The following COL4A5 variants were observed in gnomAD, a reference collection of about 807,000 sequenced individuals.
COL4A5 encodes collagen type IV alpha 5 chain.
In COL4A5, 26 loss-of-function variants were observed where a neutral mutation model predicts 130.2. The observed-to-expected ratio is 0.20, with a 90% CI of 0.15 to 0.28. COL4A5 has a LOEUF of 0.28. Among genes scored for constraint, COL4A5 ranks in the 10% least tolerant of loss-of-function variants. The pLI is 1.00. For missense variants in COL4A5, 1,131 were observed against 1,344.3 expected, an observed-to-expected ratio of 0.84 and a Z score of 2.48; for synonymous variants, 496 against 439.6, an observed-to-expected ratio of 1.13 and a Z score of -1.60.
chrX:108,621,998 T>TA, intron 32 of COL4A5, 106 bp downstream of exon 32: 3 of 588,422 alleles, frequency 5.1e-6, no homozygotes, highest in Non-Finnish European at 8.6e-6. Context: ...GAGCAATGGT[T>TA]ACTTGTGTTT....
chrX:108,674,767 C>T lies in COL4A5; in HGVS notation c.3808+14C>T. ...CAGGTTTTCAAGGTTAGACTCTTCACTGGTCAATTCTTTTTTTTTTTTTTT... is the reference window on the plus strand; with the variant it reads ...CAGGTTTTCAAGGTTAGACTCTTCATTGGTCAATTCTTTTTTTTTTTTTTT... On this transcript the variant is annotated intron_variant, in intron 43 of 52. Coordinates refer to ENST00000328300, the MANE Select transcript of COL4A5 (RefSeq NM_033380.3). The T allele has an allele frequency of 8.6e-7, 1 of 1,158,060 alleles. No individual in the cohort carries two copies. Among genetic ancestry groups the T allele is most frequent in the Non-Finnish European group, 1.2e-6 (1 of 866,296 alleles).
At chrX:108,615,294 A>T (rs951253607) in intron 30 of COL4A5, among the ~76,000 whole-genome samples, 1 of 111,621 alleles carries the variant, frequency 9.0e-6, no homozygotes, top group Non-Finnish European at 1.9e-5. Flanking sequence ...GTTGAGTTAG[A>T]CATGGTTTTG....
chrX:108,614,815 C>G (rs1690491484), intron 29 of COL4A5, 96 bp from the exon 30 acceptor site: 3 of 593,877 alleles, frequency 5.1e-6, no homozygotes, highest in Non-Finnish European at 8.7e-6. Flanking sequence ...AATGAATGCC[C>G]AGTTTTTCAA....
At chrX:108,608,066 T>A (rs905700599) in intron 29 of COL4A5, among the ~76,000 whole-genome samples, 2 of 111,420 alleles carry the variant, frequency 1.8e-5, no homozygotes, top group Admixed American at 1.9e-4. Context: ...TGTGTTCAGG[T>A]ATAATAGTAA....
At position 108,695,455 on chromosome X, in the gene COL4A5, C is replaced by T. The variant is rs2068718933; in HGVS notation, c.4994+16C>T. 3.3e-6 allele frequency: 4 copies of T among 1,204,402 alleles called. No individual in the cohort carries two copies. Among genetic ancestry groups the T allele is most frequent in the Non-Finnish European group, 4.5e-6 (4 of 890,378 alleles). On this transcript the variant is annotated intron_variant, in intron 52 of 52. Coordinates refer to ENST00000328300, the MANE Select transcript of COL4A5 (RefSeq NM_033380.3). ...ACATGTTCAGGTAAAGTGCTTATAG[C>T]TTTAATTCAGGTCCAAAGCTTCCTT...
intron 1 of COL4A5, among the ~76,000 whole-genome samples, chrX:108,494,623 A>G (rs1415878748): frequency 2.6e-4 from 29 of 110,102 alleles, no homozygotes. Context: ...TCTAAGTTAG[A>G]TAACGCAGAG....
At chrX:108,595,697 T>A in intron 22 of COL4A5, 96 bp downstream of exon 22, 2 of 637,564 alleles carry the variant, frequency 3.1e-6, no homozygotes, top group African/African-American at 2.2e-5. Context: ...ATTTTATAAC[T>A]AGTCACTCAT....
intron 2 of COL4A5, among the ~76,000 whole-genome samples, chrX:108,554,005 A>C (rs997733151): frequency 1.8e-5 from 2 of 111,947 alleles, no homozygotes; most frequent in Non-Finnish European, 3.8e-5. Context: ...ATTTATATAA[A>C]ATTCTAGAAA....
intron 48 of COL4A5, among the ~76,000 whole-genome samples, chrX:108,686,876 C>T (rs1003236696): frequency 7.1e-5 from 8 of 112,060 alleles, no homozygotes; most frequent in Non-Finnish European, 1.3e-4. Context: ...AATGCCCTGA[C>T]ATTTCATTAA....
chrX:108,638,645 G>A (rs898503862), intron 36 of COL4A5, among the ~76,000 whole-genome samples: 5 of 111,868 alleles, frequency 4.5e-5, no homozygotes, highest in Non-Finnish European at 7.5e-5. Context: ...GTTCAGAGAT[G>A]ATATAATGCT....
chrX:108,691,511 A>G (rs1475816664), intron 49 of COL4A5, among the ~76,000 whole-genome samples: 1 of 111,111 alleles, frequency 9.0e-6, no homozygotes, highest in Non-Finnish European at 1.9e-5. Context: ...TTTATAATAC[A>G]TATATTTTTA....
chrX:108,541,225 CATT>C (rs2065534924), intron 2 of COL4A5, among the ~76,000 whole-genome samples: 1 of 111,826 alleles, frequency 8.9e-6, no homozygotes, highest in South Asian at 3.7e-4. Flanking sequence ...ATTTGAGTAA[CATT>C]AGTTTGATGG....
At chrX:108,600,944 C>CT (rs1420156127) in intron 25 of COL4A5, among the ~76,000 whole-genome samples, 1 of 111,293 alleles carries the variant, frequency 9.0e-6, no homozygotes, top group African/African-American at 3.3e-5. Context: ...GAGAATTCAC[C>CT]TTTTTTTCTG....
At chrX:108,486,579 T>A (rs779119814) in intron 1 of COL4A5, among the ~76,000 whole-genome samples, 9 of 111,364 alleles carry the variant, frequency 8.1e-5, no homozygotes, top group Non-Finnish European at 1.1e-4. Flanking sequence ...CTCCCACCCT[T>A]TCCCATGAGT....
rs776157481 is a variant in COL4A5 at position 108,565,387 on chromosome X, A to C, written c.276+1461A>C. Reference sequence around the variant, plus strand: ...GAACAACATTTTGATAGTTTTGTTTAACATATACCTTACCACTTTATTTTT... The same window carrying C: ...GAACAACATTTTGATAGTTTTGTTTCACATATACCTTACCACTTTATTTTT... On this transcript the variant is annotated intron_variant, in intron 4 of 52. Coordinates refer to ENST00000328300, the MANE Select transcript of COL4A5 (RefSeq NM_033380.3). Among the ~76,000 whole-genome samples the C allele has an allele frequency of 2.7e-5, 3 of 112,367 alleles. 1 individual carries two copies. Among genetic ancestry groups the C allele is most frequent in the Admixed American group, 9.4e-5 (1 of 10,611 alleles).
At chrX:108,643,601 T>C (rs2067513032) in intron 36 of COL4A5, among the ~76,000 whole-genome samples, 1 of 111,767 alleles carries the variant, frequency 8.9e-6, no homozygotes, top group African/African-American at 3.3e-5. Context: ...AAGAATTTTG[T>C]ATCCAGTGAA....
rs1303148208 is a variant in COL4A5 at position 108,568,672 on chromosome X, C to T, written c.320C>T (p.Pro107Leu). 1 of 1,200,777 alleles carries T rather than the reference C, an allele frequency of 8.3e-7. No individual in the cohort carries two copies. Among genetic ancestry groups the T allele is most frequent in the Admixed American group, 2.2e-5 (1 of 45,991 alleles). The change falls in exon 5 of 53, where the codon CCT becomes CTT. Residue 107 changes from proline to leucine, a missense_variant and splice_region_variant. Coordinates refer to ENST00000328300, the MANE Select transcript of COL4A5 (RefSeq NM_033380.3). ...GGATTTCCAGGGACACCAGGTCTTC[C>T]TGTAAGTAGCATTTCACTTTTTACT... ...LPGFPGTPGL[P>L]GMPGHDGAPG...
At chrX:108,510,830 T>G (rs1415519122) in intron 1 of COL4A5, among the ~76,000 whole-genome samples, 1 of 109,388 alleles carries the variant, frequency 9.1e-6, no homozygotes, top group Non-Finnish European at 1.9e-5. Flanking sequence ...CATACAACTT[T>G]TTGTTTATTT....
intron 43 of COL4A5, among the ~76,000 whole-genome samples, chrX:108,676,608 A>G (rs1193459409): frequency 8.9e-6 from 1 of 112,706 alleles, no homozygotes; most frequent in African/African-American, 3.2e-5. Context: ...TGTAAAGAAT[A>G]TGAAAACATT....
Sources: gnomAD v4.1 joint callset for allele counts (sites outside exome capture counted in the v4.1 genomes callset) on GRCh38, gnomAD v4.1.1 for gene constraint, MANE v1.5 for transcripts, NCBI Gene and HGNC (gene_info 2026-07-23, HGNC 2026-07-21) for gene names.